Variants in ANO5 observed in about 807,000 individuals in gnomAD.
ANO5 encodes anoctamin-5.
A neutral mutation model predicts 121.0 loss-of-function variants in ANO5; 109 were observed. The observed-to-expected ratio is 0.90, with a 90% CI of 0.77 to 1.06. ANO5 has a LOEUF of 1.06. Ranked by LOEUF, ANO5 falls within the 50% of genes least tolerant of loss-of-function variation. The probability of loss-of-function intolerance (pLI) is 0.00; values close to 1 mark genes in which losing one functional copy is unlikely to be tolerated. For synonymous variants in ANO5, 406 were observed against 359.9 expected, an observed-to-expected ratio of 1.13 and a Z score of -1.45; for missense variants, 1,064 against 1,078.5, an observed-to-expected ratio of 0.99 and a Z score of 0.19.
intron 1 of ANO5, among the ~76,000 whole-genome samples, chr11:22,199,699 T>C (rs1851908448): frequency 6.6e-6 from 1 of 152,144 alleles, no homozygotes. Context: ...TCTGGCCTGA[T>C]AAAATATAGG....
intron 2 of ANO5, among the ~76,000 whole-genome samples, chr11:22,208,055 C>G (rs1364456740): frequency 1.3e-5 from 2 of 151,960 alleles, no homozygotes; most frequent in Non-Finnish European, 2.9e-5. Flanking sequence ...TGCAGAGAAA[C>G]TAGATCTCTC....
chr11:22,241,277 A>G (rs368938488), intron 9 of ANO5, among the ~76,000 whole-genome samples: 2 of 7,592 alleles, frequency 2.6e-4, no homozygotes, highest in African/African-American at 1.9e-3. Flanking sequence ...ACCACGTTTT[A>G]TTTATCTGCT....
chr11:22,231,851 C>A (rs576388272), intron 7 of ANO5, among the ~76,000 whole-genome samples: 2 of 151,936 alleles, frequency 1.3e-5, no homozygotes, highest in Non-Finnish European at 2.9e-5. Flanking sequence ...ACCTACATAC[C>A]TTTCTGGACA....
rs1855064827 is a variant in ANO5, at chr11:22,281,246, T to G, written c.*1481T>G. 1 of 152,082 alleles carries G rather than the reference T, an allele frequency of 6.6e-6. No homozygotes were observed. 9.4% of individuals were successfully genotyped at this position (152,082 alleles called of 1,614,324 possible). A position where few individuals can be genotyped will look rare whatever the true frequency, so the allele number is the denominator to read the frequency against. On this transcript the variant is annotated 3_prime_UTR_variant, in exon 22 of 22. Coordinates refer to ENST00000324559, the MANE Select transcript of ANO5 (RefSeq NM_213599.3). ...GAAATTTTATCACAATATTTAAAAC[T>G]AATATTTCATTATCTAATGCTAATA...
chr11:22,251,737 G>A lies in ANO5; in HGVS notation c.1180+726G>A, dbSNP rs906910355. ...ACAAATATATGCCATTCAAAACTGG[G>A]CAAGGGCGGCCAGGCACGGTGGCTC... is the stretch of plus-strand genomic sequence containing the variant. On this transcript the variant is annotated intron_variant, in intron 12 of 21. Transcript: ENST00000324559. Among the ~76,000 whole-genome samples the A allele has an allele frequency of 8.6e-5, 13 of 152,034 alleles. No individual in the cohort carries two copies. In the East Asian group the frequency reaches 2.5e-3, roughly 29 times the overall value.
chr11:22,248,415 A>G (rs546353459), intron 9 of ANO5, among the ~76,000 whole-genome samples: 1 of 152,124 alleles, frequency 6.6e-6, no homozygotes, highest in South Asian at 2.1e-4. Context: ...GATTTCTCTT[A>G]TTTTCTTAGT....
intron 10 of ANO5, among the ~76,000 whole-genome samples, 155 bp downstream of exon 10, chr11:22,250,526 C>T (rs1421389458): frequency 6.6e-6 from 1 of 152,104 alleles, no homozygotes; most frequent in Non-Finnish European, 1.5e-5. Context: ...TAACAGTTGC[C>T]TCTCACCTGG....
At position 22,239,462 on chromosome 11, in the gene ANO5, A is replaced by G. The variant is rs1853349647; in HGVS notation, c.763-107A>G. On this transcript the variant is annotated intron_variant, in intron 8 of 21. Coordinates refer to ENST00000324559, the MANE Select transcript of ANO5 (RefSeq NM_213599.3). The stretch of plus-strand genomic sequence containing the variant: ...ATTGAATATGAAATCTAAAAGTAAA[A>G]GAAAACATACCCTTGTTTACTAACA... The G allele has an allele frequency of 1.0e-5, 8 of 783,288 alleles. No homozygotes were observed. The Admixed American group carries it at 1.5e-4, about 15-fold the overall frequency. 48.5% of individuals were successfully genotyped at this position (783,288 alleles called of 1,614,324 possible). A position where few individuals can be genotyped will look rare whatever the true frequency, so the allele number is the denominator to read the frequency against.
chr11:22,221,344 T>G, intron 5 of ANO5, 134 bp downstream of exon 5: 1 of 761,438 alleles, frequency 1.3e-6, no homozygotes, highest in Non-Finnish European at 2.2e-6. Flanking sequence ...CTGAATGAGA[T>G]AACTGTAAAG....
Position 22,279,845 on chromosome 11 carries a change from T to C in ANO5, c.*80T>C. The C allele has an allele frequency of 8.3e-7, 1 of 1,208,412 alleles. No individual in the cohort carries two copies. Among genetic ancestry groups the C allele is most frequent in the South Asian group, 1.4e-5 (1 of 73,940 alleles). 74.9% of individuals were successfully genotyped at this position (1,208,412 alleles called of 1,614,324 possible). A position where few individuals can be genotyped will look rare whatever the true frequency, so the allele number is the denominator to read the frequency against. ...TTTTAGGGCCAGACGCCAGAAGCCA[T>C]GTGTCAATTTTACCCTTTCTTTTTT... is the stretch of plus-strand genomic sequence containing the variant. On this transcript the variant is annotated 3_prime_UTR_variant, in exon 22 of 22. Transcript: ENST00000324559.
At chr11:22,238,369 A>C (rs2133658315) in intron 8 of ANO5, among the ~76,000 whole-genome samples, 1 of 151,950 alleles carries the variant, frequency 6.6e-6, no homozygotes, top group Admixed American at 6.6e-5. Flanking sequence ...ATAAAGCCAA[A>C]CTAATGTCTT....
intron 15 of ANO5, among the ~76,000 whole-genome samples, chr11:22,260,924 T>C (rs1052231200): frequency 6.6e-6 from 1 of 152,210 alleles, no homozygotes; most frequent in African/African-American, 2.4e-5. Context: ...GCATTTTAAA[T>C]AAAGGAGAGG....
At chr11:22,211,570 G>C (rs1038080894) in intron 3 of ANO5, among the ~76,000 whole-genome samples, 1 of 151,800 alleles carries the variant, frequency 6.6e-6, no homozygotes, top group South Asian at 2.1e-4. Flanking sequence ...AAAATGAAGG[G>C]TCTAAGAGGT....
At chr11:22,231,605 T>A (rs1853044039) in intron 7 of ANO5, among the ~76,000 whole-genome samples, 1 of 151,930 alleles carries the variant, frequency 6.6e-6, no homozygotes, top group Non-Finnish European at 1.5e-5. Flanking sequence ...TCACATCTGA[T>A]AGCTATTCAG....
intron 17 of ANO5, among the ~76,000 whole-genome samples, chr11:22,267,320 T>G (rs984984948): frequency 2.0e-5 from 3 of 151,758 alleles, no homozygotes; most frequent in African/African-American, 7.3e-5. Flanking sequence ...ACAAGTCTGT[T>G]TTTTACATAT....
At chr11:22,199,923 C>T (rs919447600) in intron 1 of ANO5, among the ~76,000 whole-genome samples, 5 of 152,084 alleles carry the variant, frequency 3.3e-5, no homozygotes, top group Non-Finnish European at 7.4e-5. Context: ...GAATTTGAAA[C>T]CATTGAAATG....
rs1288646389 is a variant in ANO5 at position 22,279,927 on chromosome 11, C to CTT, written c.*164_*165dup. 14 of 634,288 alleles carry CTT rather than the reference C, an allele frequency of 2.2e-5. No individual in the cohort carries two copies. In the Admixed American group the frequency reaches 4.2e-4, roughly 19 times the overall value. 39.3% of individuals were successfully genotyped at this position (634,288 alleles called of 1,614,324 possible). A position where few individuals can be genotyped will look rare whatever the true frequency, so the allele number is the denominator to read the frequency against. ...TTTTATACACTTTTATAGAGGCCAACTTTGTGATGTTGGAAATGTACTACT... is the reference window on the plus strand; with the variant it reads ...TTTTATACACTTTTATAGAGGCCAACTTTTTGTGATGTTGGAAATGTACTACT... On this transcript the variant is annotated 3_prime_UTR_variant, in exon 22 of 22. Coordinates refer to ENST00000324559, the MANE Select transcript of ANO5 (RefSeq NM_213599.3).
chr11:22,242,141 C>A (rs531531220), intron 9 of ANO5, among the ~76,000 whole-genome samples: 1 of 152,010 alleles, frequency 6.6e-6, no homozygotes, highest in East Asian at 1.9e-4. Context: ...TTATTGAATA[C>A]GGAATCCGTT....
chr11:22,238,312 T>C, intron 8 of ANO5, among the ~76,000 whole-genome samples: 1 of 151,898 alleles, frequency 6.6e-6, no homozygotes, highest in East Asian at 1.9e-4. Context: ...TTGAGTTTTT[T>C]AAAATTAATT....
Sources: allele counts gnomAD v4.1 joint callset (sites outside exome capture counted in the v4.1 genomes callset), GRCh38; gene constraint gnomAD v4.1.1; transcripts MANE v1.5; gene names NCBI Gene and HGNC (gene_info 2026-07-23, HGNC 2026-07-21).